The following TANC2 variants were observed in gnomAD, a reference collection of about 807,000 sequenced individuals.
The protein encoded by TANC2 is tetratricopeptide repeat, ankyrin repeat and coiled-coil containing 2.
A neutral mutation model predicts 210.5 loss-of-function variants in TANC2; 26 were observed. That is an observed-to-expected ratio of 0.12 (90% CI 0.09 to 0.17). The LOEUF (loss-of-function observed/expected upper bound fraction) is 0.17, where lower values mean the gene tolerates loss of function less well. Among genes scored for constraint, TANC2 ranks in the 10% least tolerant of loss-of-function variants. The probability of loss-of-function intolerance (pLI) is 1.00; values close to 1 mark genes in which losing one functional copy is unlikely to be tolerated. For missense variants in TANC2, 2,129 were observed against 2,608.9 expected (o/e 0.82, Z 4.01); for synonymous variants, 931 against 967.1 (o/e 0.96, Z 0.69).
intron 14 of TANC2, among the ~76,000 whole-genome samples, chr17:63,374,819 A>T (rs1450917455): frequency 6.6e-6 from 1 of 152,244 alleles, no homozygotes; most frequent in Non-Finnish European, 1.5e-5. Context: ...CAGAGGGAAA[A>T]TAAAACTAGC....
rs928164313 is a variant in TANC2, at chr17:63,361,354, G to A, written c.2582+5964G>A. Among the ~76,000 whole-genome samples, 136 of 152,326 alleles carry A rather than the reference G, an allele frequency of 8.9e-4. 1 individual carries two copies. Among genetic ancestry groups the A allele is most frequent in the African/African-American group, 3.2e-3 (133 of 41,580 alleles). ...GGCCCAGATCCCACACCTCCCAAGGGTGAGCCAGGCACAGAACAGTGAGCA... is the reference window on the plus strand; with the variant it reads ...GGCCCAGATCCCACACCTCCCAAGGATGAGCCAGGCACAGAACAGTGAGCA... On this transcript the variant is annotated intron_variant, in intron 14 of 27. Coordinates refer to ENST00000689528, the Ensembl canonical transcript of TANC2.
intron 1 of TANC2, among the ~76,000 whole-genome samples, chr17:62,969,389 G>A (rs922512583): frequency 6.6e-6 from 1 of 152,124 alleles, no homozygotes; most frequent in African/African-American, 2.4e-5. Flanking sequence ...ATGCTATATT[G>A]CCCTCTCACT....
intron 5 of TANC2, chr17:63,155,164 T>C (rs1328565283): frequency 6.6e-6 from 1 of 152,014 alleles, no homozygotes; most frequent in African/African-American, 2.4e-5. Context: ...TTTTTTTCTC[T>C]TCCACCTACT....
intron 4 of TANC2, among the ~76,000 whole-genome samples, chr17:63,139,180 C>T (rs1181015991): frequency 6.6e-6 from 1 of 152,170 alleles, no homozygotes; most frequent in South Asian, 2.1e-4. Flanking sequence ...TCTCCCAATT[C>T]TCTTATTACC....
At chr17:63,405,569 CACTT>C (rs541931055) in intron 20 of TANC2, among the ~76,000 whole-genome samples, 282 of 152,332 alleles carry the variant, frequency 1.9e-3, no homozygotes, top group Admixed American at 3.6e-3. Context: ...TTCTGCTAAT[CACTT>C]ACTTGCAGAT....
chr17:63,287,884 C>T (rs2044274027), intron 9 of TANC2, among the ~76,000 whole-genome samples: 1 of 152,044 alleles, frequency 6.6e-6, no homozygotes, highest in South Asian at 2.1e-4. Flanking sequence ...CCATGTTGGC[C>T]AGGCTGGGTC....
chr17:63,013,960 C>T lies in TANC2; in HGVS notation c.67+4334C>T, dbSNP rs1011676914. On this transcript the variant is annotated intron_variant, in intron 2 of 27. Coordinates refer to ENST00000689528, the Ensembl canonical transcript of TANC2. Reference sequence around the variant, plus strand: ...TACAATTGATAGACCATACGCATATCATCTCTGACTCTTAACATTTTCTCT... The same window carrying T: ...TACAATTGATAGACCATACGCATATTATCTCTGACTCTTAACATTTTCTCT... Among the ~76,000 whole-genome samples, 25 of 151,834 alleles carry T rather than the reference C, an allele frequency of 1.6e-4. No homozygotes were observed. In the South Asian group the frequency reaches 4.2e-3, roughly 25 times the overall value.
At chr17:63,146,143 A>G (rs182474433) in intron 4 of TANC2, among the ~76,000 whole-genome samples, 4 of 151,872 alleles carry the variant, frequency 2.6e-5, no homozygotes, top group African/African-American at 7.3e-5. Flanking sequence ...TTATGTCTAC[A>G]TATTTTATTT....
exon 18 of TANC2, chr17:63,395,764 G>C (rs778414080): frequency 5.6e-6 from 9 of 1,613,386 alleles, no homozygotes; most frequent in Non-Finnish European, 8.5e-7. Flanking sequence ...GGATAAGAAC[G>C]GGCAGTGTGC....
rs2048726191 is a variant in TANC2, at chr17:63,412,220, T to A, written c.3898+90T>A. The A allele has an allele frequency of 3.2e-6, 5 of 1,557,948 alleles. No individual in the cohort carries two copies. The highest frequency in any genetic ancestry group is 1.2e-5 in the South Asian group (1 of 85,622). On this transcript the variant is annotated intron_variant, in intron 23 of 27. Transcript: ENST00000689528. This position sits in a 1 kb window ranked among gnomAD's most constrained non-coding sequence, Gnocchi z 4.2. ...CTGCCCTGGGTATTTGGTGTGAGTG[T>A]ATATAGTTCCCCCTCCTCCCTGGCC... is the stretch of plus-strand genomic sequence containing the variant.
intron 26 of TANC2, among the ~76,000 whole-genome samples, chr17:63,417,958 C>T (rs527398111): frequency 9.1e-4 from 139 of 152,290 alleles, no homozygotes; most frequent in Non-Finnish European, 1.4e-3. Context: ...GACATGTGTG[C>T]GTTTGCCTCC....
chr17:63,277,033 A>C (rs968076130), intron 9 of TANC2, among the ~76,000 whole-genome samples: 23 of 152,142 alleles, frequency 1.5e-4, no homozygotes, highest in African/African-American at 5.6e-4. Context: ...CAGAGAGGAT[A>C]CTTGATTCAT....
At chr17:63,336,596 CCTTTT>C (rs2046037584) in intron 11 of TANC2, among the ~76,000 whole-genome samples, 1 of 152,150 alleles carries the variant, frequency 6.6e-6, no homozygotes, top group Non-Finnish European at 1.5e-5. Flanking sequence ...ACAGGCCTGC[CCTTTT>C]CTTTCTTCCC....
intron 6 of TANC2, among the ~76,000 whole-genome samples, chr17:63,200,392 A>G (rs2041493246): frequency 6.6e-6 from 1 of 151,526 alleles, no homozygotes; most frequent in Admixed American, 6.6e-5. Context: ...AAAGAAAGAA[A>G]ATTATTAACA....
intron 5 of TANC2, among the ~76,000 whole-genome samples, chr17:63,179,663 CA>C (rs2040711242): frequency 1.3e-5 from 2 of 152,066 alleles, no homozygotes; most frequent in Admixed American, 1.3e-4. Context: ...GCAAGTCAAA[CA>C]ATTTGAACCT....
At chr17:63,243,713 G>C (rs181567946) in intron 8 of TANC2, among the ~76,000 whole-genome samples, 60 of 152,210 alleles carry the variant, frequency 3.9e-4, no homozygotes, top group African/African-American at 1.4e-3. Context: ...TCTGTATCTT[G>C]GTCTGGATGG....
At chr17:63,180,006 T>C (rs1598542894) in intron 5 of TANC2, among the ~76,000 whole-genome samples, 2 of 142,720 alleles carry the variant, frequency 1.4e-5, no homozygotes, top group African/African-American at 5.3e-5. Context: ...CTTGGTGTGG[T>C]GGCACATGCC....
chr17:63,147,929 G>A (rs1298163867), intron 4 of TANC2, among the ~76,000 whole-genome samples: 1 of 152,134 alleles, frequency 6.6e-6, no homozygotes, highest in African/African-American at 2.4e-5. Context: ...AAATCATGCT[G>A]AATCTGTGAT....
intron 4 of TANC2, among the ~76,000 whole-genome samples, chr17:63,145,072 T>TC (rs959543478): frequency 3.3e-5 from 5 of 151,976 alleles, no homozygotes; most frequent in African/African-American, 1.2e-4. Flanking sequence ...TTGTTCTTGA[T>TC]CCCCCCACCA....
Sources: allele counts gnomAD v4.1 joint callset (sites outside exome capture counted in the v4.1 genomes callset), GRCh38; gene constraint gnomAD v4.1.1; non-coding constraint Gnocchi (gnomAD v3.1); transcripts MANE v1.5; gene names NCBI Gene and HGNC (gene_info 2026-07-23, HGNC 2026-07-21).